Variants in DRAXIN observed in about 807,000 individuals in gnomAD.
DRAXIN encodes dorsal inhibitory axon guidance protein.
In DRAXIN, 27 loss-of-function variants were observed where a neutral mutation model predicts 33.9. That is an observed-to-expected ratio of 0.80 (90% CI 0.59 to 1.10). The LOEUF (loss-of-function observed/expected upper bound fraction) is 1.10, where lower values mean the gene tolerates loss of function less well. Ranked by LOEUF, DRAXIN falls within the 50% of genes least tolerant of loss-of-function variation. The pLI is 0.00. For missense variants in DRAXIN, 371 were observed against 460.8 expected (o/e 0.81, Z 1.78); for synonymous variants, 178 against 194.0 (o/e 0.92, Z 0.69).
chr1:11,713,306 C>T (rs977732042), intron 5 of DRAXIN, among the ~76,000 whole-genome samples: 5 of 152,222 alleles, frequency 3.3e-5, no homozygotes, highest in African/African-American at 9.6e-5. Context: ...GTGGCTCCAA[C>T]CTGGCCTGGC....
At position 11,725,192 on chromosome 1, in the gene DRAXIN, T is replaced by G. The variant is rs1426048139; in HGVS notation, c.*5496T>G. 6.6e-6 allele frequency: 1 copy of G among 152,250 alleles called. No individual in the cohort carries two copies. Among genetic ancestry groups the G allele is most frequent in the Non-Finnish European group, 1.5e-5 (1 of 68,098 alleles). 9.4% of individuals were successfully genotyped at this position (152,250 alleles called of 1,614,324 possible). On this transcript the variant is annotated 3_prime_UTR_variant, in exon 7 of 7. Transcript: ENST00000294485. ...TTAGCCGGGCATGGTGGTGCACACC[T>G]GTAGTCCCAGCTATTCTCCAGGCTG...
At chr1:11,710,589 C>T (rs1047840648) in intron 3 of DRAXIN, among the ~76,000 whole-genome samples, 1 of 151,974 alleles carries the variant, frequency 6.6e-6, no homozygotes, top group Non-Finnish European at 1.5e-5. Flanking sequence ...TAGGAGCTGA[C>T]CGCATCGTTC....
intron 4 of DRAXIN, 51 bp downstream of exon 4, chr1:11,712,016 G>T: frequency 3.2e-6 from 5 of 1,542,058 alleles, no homozygotes; most frequent in Admixed American, 1.9e-5. Flanking sequence ...CTGCCCTCCC[G>T]CACCATCTGT....
At chr1:11,689,577 G>C (rs139684071), upstream of DRAXIN, among the ~76,000 whole-genome samples, 918 of 152,078 alleles carry the variant, frequency 6.0e-3, 13 homozygotes, top group African/African-American at 0.02. Context: ...GCCTGGGTGA[G>C]AGCAAGACTC....
chr1:11,698,139 C>T lies in DRAXIN; in HGVS notation c.-11+6286C>T, dbSNP rs149583782. 1.9e-3 allele frequency among the ~76,000 whole-genome samples: 292 copies of T among 152,260 alleles called. 1 individual carries two copies. The highest frequency in any genetic ancestry group is 6.1e-3 in the African/African-American group (254 of 41,538). On this transcript the variant is annotated intron_variant, in intron 1 of 6. Transcript: ENST00000294485. The stretch of plus-strand genomic sequence containing the variant: ...ATGGCAGCCTAATAATCCCATTTCA[C>T]AGACAAGGGAATAGACTCATGAAGG...
Position 11,706,311 on chromosome 1 carries a change from T to A in DRAXIN, c.53T>A (p.Leu18Gln). The part of the protein sequence containing the change: ...TAPMLFLVLL[L>Q]PLELSLAGAL... ...CCCATGCTGTTCCTCGTCCTCCTGC[T>A]GCCCCTGGAGCTGAGCCTGGCAGGC... is the stretch of plus-strand genomic sequence containing the variant. Residue 18 changes from leucine (L) to glutamine (Q), a missense_variant, in exon 2 of 7, where the codon CTG (leucine) becomes CAG (glutamine). By Grantham distance (113) the Leu-to-Gln change is moderately radical. Transcript: ENST00000294485. This position sits in a 1 kb window ranked among gnomAD's most constrained non-coding sequence, Gnocchi z 5.5. 6.2e-7 allele frequency: 1 copy of A among 1,613,378 alleles called. No individual in the cohort carries two copies. The highest frequency in any genetic ancestry group is 8.5e-7 in the Non-Finnish European group (1 of 1,179,850).
At chr1:11,719,448 C>G in intron 6 of DRAXIN, 136 bp from the exon 7 acceptor site, 1 of 710,278 alleles carries the variant, frequency 1.4e-6, no homozygotes, top group Non-Finnish European at 2.4e-6. Context: ...CTCATTGGGG[C>G]TGCCGTGAGG....
chr1:11,717,792 T>A (rs1241273702), intron 6 of DRAXIN, among the ~76,000 whole-genome samples: 1 of 132,780 alleles, frequency 7.5e-6, no homozygotes, highest in African/African-American at 2.9e-5. Context: ...AGACCAGCCT[T>A]GGCAAGGTAG....
chr1:11,687,058 T>A (rs957521855), upstream of DRAXIN, among the ~76,000 whole-genome samples: 12 of 152,022 alleles, frequency 7.9e-5, no homozygotes, highest in Non-Finnish European at 1.8e-4. The surrounding 1 kb of genome is among the most constrained non-coding windows in gnomAD (Gnocchi z 4.1). Context: ...TTGTCCAATT[T>A]TTTTATTTTT....
rs568456201 is a variant in DRAXIN at position 11,721,043 on chromosome 1, C to T, written c.*1347C>T. 3.9e-5 allele frequency: 6 copies of T among 152,160 alleles called. No individual in the cohort carries two copies. Among genetic ancestry groups the T allele is most frequent in the Non-Finnish European group, 8.8e-5 (6 of 68,044 alleles). The allele number at this position is 152,160 out of a possible 1,614,324, so 9.4% of individuals were successfully genotyped here. A position where few individuals can be genotyped will look rare whatever the true frequency, so the allele number is the denominator to read the frequency against. On this transcript the variant is annotated 3_prime_UTR_variant, in exon 7 of 7. Transcript: ENST00000294485. ...AAAGAATCATGTTGGCCTTTATGTC[C>T]CTGTGGTCCTGATCATCCAGTCCTG...
intron 6 of DRAXIN, among the ~76,000 whole-genome samples, chr1:11,716,625 A>T (rs983438157): frequency 2.0e-5 from 3 of 152,168 alleles, no homozygotes; most frequent in Non-Finnish European, 4.4e-5. Context: ...AAAAATGATG[A>T]TAATACATCT....
intron 1 of DRAXIN, among the ~76,000 whole-genome samples, chr1:11,695,601 CA>C (rs35198989): frequency 0.098 from 13,985 of 143,350 alleles, 789 homozygotes; most frequent in East Asian, 0.28. Flanking sequence ...GATTCTGTCT[CA>C]AAAAAAAAAA....
chr1:11,688,334 C>T (rs559417491), upstream of DRAXIN, among the ~76,000 whole-genome samples: 36 of 152,186 alleles, frequency 2.4e-4, no homozygotes, highest in African/African-American at 8.7e-4. The surrounding 1 kb of genome is among the most constrained non-coding windows in gnomAD (Gnocchi z 4.6). Flanking sequence ...CCGAGGCTGG[C>T]GAATCACCTG....
intron 1 of DRAXIN, among the ~76,000 whole-genome samples, chr1:11,695,371 G>T (rs1485651773): frequency 1.3e-5 from 2 of 152,012 alleles, no homozygotes; most frequent in Non-Finnish European, 2.9e-5. Flanking sequence ...TTGAGGCCAG[G>T]GGTTCGAGAC....
chr1:11,713,318 G>A (rs1641527239), intron 5 of DRAXIN, among the ~76,000 whole-genome samples: 1 of 152,228 alleles, frequency 6.6e-6, no homozygotes, highest in Non-Finnish European at 1.5e-5. Flanking sequence ...TGGCCTGGCT[G>A]GAAAGCCTCT....
At chr1:11,691,889 C>T (rs931133825) in intron 1 of DRAXIN, 36 bp downstream of exon 1, 1 of 151,866 alleles carries the variant, frequency 6.6e-6, no homozygotes, top group Non-Finnish European at 1.5e-5. Flanking sequence ...TGGCTCCGCC[C>T]CTCCCGCCCC....
intron 1 of DRAXIN, among the ~76,000 whole-genome samples, chr1:11,700,983 G>C (rs1051201920): frequency 1.3e-5 from 2 of 152,166 alleles, no homozygotes; most frequent in African/African-American, 2.4e-5. Flanking sequence ...AGGCTGTTGT[G>C]GGGGGAGGGG....
chr1:11,712,962 G>A (rs1402514502), intron 5 of DRAXIN, among the ~76,000 whole-genome samples: 1 of 151,696 alleles, frequency 6.6e-6, no homozygotes, highest in Non-Finnish European at 1.5e-5. Context: ...CACTTTGGGA[G>A]GCCGAGGCAG....
intron 1 of DRAXIN, among the ~76,000 whole-genome samples, chr1:11,697,929 T>C (rs1402743567): frequency 6.6e-6 from 1 of 152,122 alleles, no homozygotes; most frequent in Non-Finnish European, 1.5e-5. Flanking sequence ...GGGTAGGGAC[T>C]AGTCCAGGAT....
Sources: allele counts gnomAD v4.1 joint callset (sites outside exome capture counted in the v4.1 genomes callset), GRCh38; gene constraint gnomAD v4.1.1; non-coding constraint Gnocchi (gnomAD v3.1); transcripts MANE v1.5; gene names NCBI Gene and HGNC (gene_info 2026-07-23, HGNC 2026-07-21).